The following TFEC variants were observed in gnomAD, a reference collection of about 807,000 sequenced individuals.
The protein encoded by TFEC is class E basic helix-loop-helix protein 34.
A neutral mutation model predicts 41.6 loss-of-function variants in TFEC; 31 were observed. That is an observed-to-expected ratio of 0.74 (90% confidence interval 0.56 to 1.01). The LOEUF (loss-of-function observed/expected upper bound fraction) is 1.01. Among genes scored for constraint, TFEC ranks in the 50% least tolerant of loss-of-function variants. The pLI, the probability that TFEC is intolerant of heterozygous loss-of-function variation, is 0.00. For synonymous variants in TFEC, 143 were observed against 140.6 expected (o/e 1.02, Z -0.12); for missense variants, 402 against 404.1 (o/e 0.99, Z 0.04).
At chr7:116,079,375 A>G (rs1797035660) in intron 3 of TFEC, among the ~76,000 whole-genome samples, 2 of 152,128 alleles carry the variant, frequency 1.3e-5, no homozygotes, top group African/African-American at 4.8e-5. Flanking sequence ...ACATCAGTAA[A>G]GAGGAAGTCA....
intron 3 of TFEC, among the ~76,000 whole-genome samples, chr7:115,973,265 A>G (rs549348616): frequency 1.3e-5 from 2 of 152,090 alleles, no homozygotes; most frequent in Admixed American, 1.3e-4. Flanking sequence ...TGATACAGAA[A>G]AAAGGGATGC....
intron 3 of TFEC, among the ~76,000 whole-genome samples, chr7:116,104,843 T>A (rs1220581269): frequency 6.6e-6 from 1 of 151,930 alleles, no homozygotes. Context: ...GATTTATATC[T>A]GGAGGAGATG....
chr7:116,107,646 A>T (rs917699566), intron 3 of TFEC, among the ~76,000 whole-genome samples: 1 of 152,134 alleles, frequency 6.6e-6, no homozygotes, highest in African/African-American at 2.4e-5. Context: ...CAGCCAACAA[A>T]TTCTCTCTGT....
In TFEC at chr7:116,128,340, T is replaced by C. The variant is rs76098420; in HGVS notation, c.-68-16302A>G. On this transcript the variant is annotated intron_variant, in intron 1 of 8. Coordinates refer to the TFEC transcript ENST00000484212. ...TGAAGTAGTAATGAGAAAATAATTA[T>C]CAATTTAAAATTTTATACCTAGCTA... 1.8e-3 allele frequency among the ~76,000 whole-genome samples: 272 copies of C among 152,210 alleles called. 7 individuals are homozygous for C. In the East Asian group the frequency reaches 0.045, roughly 25 times the overall value.
chr7:116,104,877 C>T (rs963408787), intron 3 of TFEC, among the ~76,000 whole-genome samples: 16 of 151,846 alleles, frequency 1.1e-4, no homozygotes, highest in African/African-American at 3.9e-4. Context: ...GGTTATTTAA[C>T]AAATTTAAAA....
intron 1 of TFEC, among the ~76,000 whole-genome samples, chr7:116,026,446 T>C (rs997178894): frequency 2.0e-5 from 3 of 152,360 alleles, no homozygotes; most frequent in Admixed American, 6.5e-5. Flanking sequence ...TAGCATACCT[T>C]ATCCATCTTA....
At chr7:115,968,100 A>G in intron 3 of TFEC, 2 of 1,342,516 alleles carry the variant, frequency 1.5e-6, no homozygotes, top group Admixed American at 2.7e-5. Flanking sequence ...TATTTTATTG[A>G]CTATAAGTTT....
chr7:115,985,587 C>T (rs1793816148), intron 1 of TFEC, among the ~76,000 whole-genome samples: 1 of 152,076 alleles, frequency 6.6e-6, no homozygotes, highest in African/African-American at 2.4e-5. Flanking sequence ...ATAGCCTCTA[C>T]AAAGTATTTT....
chr7:116,110,720 T>C (rs1364108100), exon 3 of TFEC: 6 of 1,517,162 alleles, frequency 4.0e-6, no homozygotes, highest in East Asian at 2.6e-5. Context: ...TGGTAAAGGA[T>C]GGTAATTGAC....
intron 3 of TFEC, among the ~76,000 whole-genome samples, chr7:116,069,189 TA>T (rs144431876): frequency 2.0e-5 from 3 of 151,172 alleles, no homozygotes; most frequent in East Asian, 1.9e-4. Context: ...GAAAATAAGA[TA>T]AAAAAACTCT....
chr7:116,142,071 A>G (rs1798552937), intron 1 of TFEC, among the ~76,000 whole-genome samples: 1 of 152,198 alleles, frequency 6.6e-6, no homozygotes, highest in African/African-American at 2.4e-5. Flanking sequence ...ACTGTGCCTT[A>G]CTGTGAGTGC....
At chr7:116,029,387 TAAAATAGA>T (rs1795706765) in intron 1 of TFEC, among the ~76,000 whole-genome samples, 1 of 152,142 alleles carries the variant, frequency 6.6e-6, no homozygotes, top group Admixed American at 6.6e-5. Flanking sequence ...CAGATTCATC[TAAAATAGA>T]AGTGAAGCAG....
At chr7:116,105,975 G>T (rs1235458091) in intron 3 of TFEC, among the ~76,000 whole-genome samples, 4 of 151,962 alleles carry the variant, frequency 2.6e-5, no homozygotes, top group African/African-American at 9.7e-5. Flanking sequence ...AGAAAAGAAA[G>T]AATTTCTTTT....
intron 1 of TFEC, among the ~76,000 whole-genome samples, chr7:115,999,203 C>A (rs950135017): frequency 1.3e-5 from 2 of 151,968 alleles, no homozygotes; most frequent in East Asian, 3.9e-4. Flanking sequence ...GGAAACTACA[C>A]AAACACATGG....
At chr7:116,126,494 T>C (rs115634564) in intron 1 of TFEC, among the ~76,000 whole-genome samples, 1 of 152,040 alleles carries the variant, frequency 6.6e-6, no homozygotes, top group Non-Finnish European at 1.5e-5. Context: ...GCTCATTAGT[T>C]TCCAGATGGA....
At chr7:115,994,414 C>A (rs1360956834) in intron 1 of TFEC, among the ~76,000 whole-genome samples, 1 of 152,176 alleles carries the variant, frequency 6.6e-6, no homozygotes, top group Non-Finnish European at 1.5e-5. Context: ...TCAGAGTGAA[C>A]AGGCAACCTA....
Position 115,975,508 on chromosome 7 carries a change from T to C in TFEC, c.181-1252A>G, listed in dbSNP as rs141265804. Among the ~76,000 whole-genome samples the C allele has an allele frequency of 6.7e-4, 102 of 152,194 alleles. 2 individuals carry two copies. The East Asian group carries it at 0.019, about 28-fold the overall frequency. On this transcript the variant is annotated intron_variant, in intron 2 of 7. Transcript: ENST00000265440. ...AATTCTACTAAGATACTCCAAAAAATATGGAACACTATTCATATCTTAACA... is the reference window on the plus strand; with the variant it reads ...AATTCTACTAAGATACTCCAAAAAACATGGAACACTATTCATATCTTAACA...
At chr7:116,058,849 A>G (rs1276851098) in intron 3 of TFEC, among the ~76,000 whole-genome samples, 1 of 151,850 alleles carries the variant, frequency 6.6e-6, no homozygotes, top group Non-Finnish European at 1.5e-5. Context: ...GAATGAAGAC[A>G]GGAGTAAAAC....
chr7:115,941,639 A>G (rs1793505760), intron 7 of TFEC: 3 of 442,682 alleles, frequency 6.8e-6, no homozygotes, highest in African/African-American at 6.0e-5. Flanking sequence ...ATGCACACAT[A>G]CACACATATA....
Sources: allele counts gnomAD v4.1 joint callset (sites outside exome capture counted in the v4.1 genomes callset), GRCh38; gene constraint gnomAD v4.1.1; transcripts MANE v1.5; gene names NCBI Gene and HGNC (gene_info 2026-07-23, HGNC 2026-07-21).